TMPRSS2: variants seen among roughly 807,000 people sequenced by gnomAD.
TMPRSS2 encodes transmembrane serine protease 2.
A neutral mutation model predicts 67.4 loss-of-function variants in TMPRSS2; 59 were observed. That is an observed-to-expected ratio of 0.88 (90% CI 0.71 to 1.09). TMPRSS2 has a LOEUF of 1.09. Among genes scored for constraint, TMPRSS2 ranks in the 50% least tolerant of loss-of-function variants. The pLI is 0.00. For synonymous variants in TMPRSS2, 257 were observed against 257.0 expected (o/e 1.00, Z 0.00); for missense variants, 668 against 642.7 (o/e 1.04, Z -0.43).
chr21:41,507,893 A>T (rs2146520693), intron 1 of TMPRSS2, 188 bp downstream of exon 1: 1 of 1,487,234 alleles, frequency 6.7e-7, no homozygotes, highest in South Asian at 1.3e-5. Context: ...CTCTCCCAGC[A>T]CCCCGGGAGG....
rs546335233 is a variant in TMPRSS2 at position 41,473,402 on chromosome 21, G to T, written c.822C>A (p.His274Gln). The T allele has an allele frequency of 4.3e-6, 7 of 1,610,204 alleles. No individual in the cohort carries two copies. Among genetic ancestry groups the T allele is most frequent in the Non-Finnish European group, 4.2e-6 (5 of 1,179,204 alleles). ...CTCCGCACACGTGGACGTTCTGGAC[G>T]TGCAGGCTGACCTGCCAGGGCCAGG... is the stretch of plus-strand genomic sequence containing the variant. The part of the protein sequence containing the change: ...PGAWPWQVSL[H>Q]VQNVHVCGGS... The change falls in exon 9 of 14, where the codon CAC (histidine) becomes CAA (glutamine). Residue 274 changes from histidine (H) to glutamine (Q), a missense_variant. By Grantham distance (24) the His-to-Gln change is conservative. Coordinates refer to ENST00000332149, the MANE Select transcript of TMPRSS2 (RefSeq NM_005656.4).
chr21:41,488,796 C>G (rs2091315695), intron 4 of TMPRSS2, among the ~76,000 whole-genome samples: 1 of 152,186 alleles, frequency 6.6e-6, no homozygotes, highest in Non-Finnish European at 1.5e-5. Context: ...CGCCACCACG[C>G]CTGACTAATT....
chr21:41,508,086 G>T lies in TMPRSS2; in HGVS notation c.-62C>A. On this transcript the variant is annotated 5_prime_UTR_variant, in exon 1 of 14. Coordinates refer to ENST00000332149, the MANE Select transcript of TMPRSS2 (RefSeq NM_005656.4). ...CTGGTACCGGCGCCGCTCACCTGCC[G>T]CGCTCCAGGCGGCGCTCCCCGCCCC... 8.0e-7 allele frequency: 1 copy of T among 1,255,494 alleles called. No individual in the cohort carries two copies. Among genetic ancestry groups the T allele is most frequent in the Non-Finnish European group, 1.0e-6 (1 of 987,268 alleles). The allele number at this position is 1,255,494 out of a possible 1,614,324, so 77.8% of individuals were successfully genotyped here. A position where few individuals can be genotyped will look rare whatever the true frequency, so the allele number is the denominator to read the frequency against.
intron 12 of TMPRSS2, 158 bp from the exon 13 acceptor site, chr21:41,468,044 A>G: frequency 1.4e-6 from 1 of 739,892 alleles, no homozygotes. Flanking sequence ...TGATGGTAAC[A>G]GAGATGTAAC....
intron 1 of TMPRSS2, 78 bp from the exon 2 acceptor site, chr21:41,498,267 G>A (rs944503595): frequency 2.0e-5 from 20 of 987,006 alleles, no homozygotes; most frequent in Admixed American, 1.3e-4. Context: ...AGAACTAGAA[G>A]AATCTCTAGA....
At chr21:41,494,321 TTTATTA>T in intron 3 of TMPRSS2, 29 bp downstream of exon 3, 1 of 1,605,422 alleles carries the variant, frequency 6.2e-7, no homozygotes, top group Non-Finnish European at 8.5e-7. Flanking sequence ...GGACCCCGGG[TTTATTA>T]CAGGAAATAA....
intron 9 of TMPRSS2, among the ~76,000 whole-genome samples, chr21:41,472,990 C>A (rs73372182): frequency 0.054 from 8,287 of 152,242 alleles, 757 homozygotes; most frequent in African/African-American, 0.19. Context: ...ACTAGCGTCC[C>A]GGAGACAGGA....
At chr21:41,500,217 T>G (rs1450192486) in intron 1 of TMPRSS2, among the ~76,000 whole-genome samples, 1 of 152,228 alleles carries the variant, frequency 6.6e-6, no homozygotes, top group Non-Finnish European at 1.5e-5. Flanking sequence ...CAGATAATAG[T>G]AACACCTACC....
At chr21:41,486,676 G>T (rs186622480) in intron 5 of TMPRSS2, 5 of 152,332 alleles carry the variant, frequency 3.3e-5, no homozygotes, top group African/African-American at 1.2e-4. Context: ...CCTGCCATCT[G>T]CAGAGCCCCA....
Position 41,488,532 on chromosome 21 carries a change from G to C in TMPRSS2, c.326-19C>G. On this transcript the variant is annotated intron_variant, in intron 4 of 13. Transcript: ENST00000332149. ...CTGCCCACTTGCAGAGAAAACAGAA[G>C]AGAGGTGCCCTTCAGGCTGAGAAAC... 1 of 1,606,186 alleles carries C rather than the reference G, an allele frequency of 6.2e-7. No homozygotes were observed. Among genetic ancestry groups the C allele is most frequent in the East Asian group, 2.2e-5 (1 of 44,686 alleles).
intron 1 of TMPRSS2, among the ~76,000 whole-genome samples, chr21:41,501,306 G>A (rs191345780): frequency 2.0e-5 from 3 of 152,314 alleles, no homozygotes; most frequent in Admixed American, 2.0e-4. Flanking sequence ...GAGTGATGCT[G>A]CCAGTAACAT....
At chr21:41,501,496 C>A (rs2091423244) in intron 1 of TMPRSS2, among the ~76,000 whole-genome samples, 1 of 151,176 alleles carries the variant, frequency 6.6e-6, no homozygotes, top group South Asian at 2.1e-4. Flanking sequence ...GTAATCCCAG[C>A]TACTTGGGAG....
At chr21:41,473,187 C>T in intron 9 of TMPRSS2, 138 bp downstream of exon 9, 2 of 1,016,026 alleles carry the variant, frequency 2.0e-6, no homozygotes, top group Non-Finnish European at 2.8e-6. Context: ...GTCTCACAGC[C>T]CTAGGAAGCA....
chr21:41,482,706 A>C (rs965063026), intron 5 of TMPRSS2, among the ~76,000 whole-genome samples: 1 of 152,224 alleles, frequency 6.6e-6, no homozygotes, highest in African/African-American at 2.4e-5. Flanking sequence ...AGGTTACATG[A>C]ATGGATAAAC....
chr21:41,504,562 G>T (rs983236661), intron 1 of TMPRSS2, among the ~76,000 whole-genome samples: 7 of 152,128 alleles, frequency 4.6e-5, no homozygotes, highest in Non-Finnish European at 1.0e-4. Flanking sequence ...ATCAGGCTCT[G>T]CCTCCTCCTG....
chr21:41,472,121 G>GGGGAGACTGAGCCCCTCTTCC, intron 9 of TMPRSS2, 140 bp from the exon 10 acceptor site: 1 of 748,610 alleles, frequency 1.3e-6, no homozygotes, highest in Non-Finnish European at 2.0e-6. Context: ...GATAGTGGAA[G>GGGGAGACTGAGCCCCTCTTCC]AGGTGCTCGG....
intron 8 of TMPRSS2, among the ~76,000 whole-genome samples, chr21:41,475,608 AGGAGGTG>A (rs2091203723): frequency 5.4e-5 from 1 of 18,682 alleles, no homozygotes. Flanking sequence ...GGGGAGAGTG[AGGAGGTG>A]AGGAGGTGAG....
intron 5 of TMPRSS2, chr21:41,488,113 C>T (rs989846727): frequency 3.5e-6 from 1 of 284,916 alleles, no homozygotes; most frequent in Non-Finnish European, 7.0e-6. Flanking sequence ...ACTTTATAAA[C>T]AGTTTGCTCA....
intron 13 of TMPRSS2, among the ~76,000 whole-genome samples, chr21:41,467,196 C>A (rs1050252626): frequency 2.0e-5 from 3 of 152,134 alleles, no homozygotes; most frequent in Non-Finnish European, 4.4e-5. Context: ...CGAGACCAGC[C>A]TGGCCAACAT....
Sources: allele counts gnomAD v4.1 joint callset (sites outside exome capture counted in the v4.1 genomes callset), GRCh38; gene constraint gnomAD v4.1.1; transcripts MANE v1.5; gene names NCBI Gene and HGNC (gene_info 2026-07-23, HGNC 2026-07-21).